The following SNX7 variants were observed in gnomAD, a reference collection of about 807,000 sequenced individuals.
The protein encoded by SNX7 is sorting nexin 7, also known as sorting nexin-7.
SNX7 carries 35 observed loss-of-function variants against 48.4 expected under a neutral mutation model. That is an observed-to-expected ratio of 0.72 (90% confidence interval 0.55 to 0.96). SNX7 has a LOEUF of 0.96. Ranked by LOEUF, SNX7 falls within the 40% of genes least tolerant of loss-of-function variation. The pLI, the probability that SNX7 is intolerant of heterozygous loss-of-function variation, is 0.00. For synonymous variants in SNX7, 190 were observed against 190.2 expected (o/e 1.00, Z 0.01); for missense variants, 553 against 548.9 (o/e 1.01, Z -0.07).
chr1:98,662,513 C>A (rs572878424), intron 1 of SNX7: 92 of 415,866 alleles, frequency 2.2e-4, no homozygotes, highest in Admixed American at 3.9e-4. Flanking sequence ...TGCCACCCAA[C>A]CCACAGCCAG....
At position 98,722,540 on chromosome 1, in the gene SNX7, G is replaced by A. The variant is rs185988675; in HGVS notation, c.1126-15697G>A. Among the ~76,000 whole-genome samples the A allele has an allele frequency of 2.0e-5, 3 of 152,068 alleles. No individual in the cohort carries two copies. In the East Asian group the frequency reaches 5.8e-4, roughly 29 times the overall value. On this transcript the variant is annotated intron_variant, in intron 7 of 8. Transcript: ENST00000306121. ...GTGGCAATCTTAATCCTTTTATTTAGATATATTATTTTCAAGAACTTTTCA... is the reference window on the plus strand; with the variant it reads ...GTGGCAATCTTAATCCTTTTATTTAAATATATTATTTTCAAGAACTTTTCA...
Position 98,695,686 on chromosome 1 carries a change from A to C in SNX7, c.808A>C (p.Ile270Leu), listed in dbSNP as rs1651418352. Residue 270 changes from isoleucine (I) to leucine (L), a missense_variant, in exon 5 of 9, where the codon ATA becomes CTA. Physicochemically the swap from Ile to Leu is conservative, Grantham distance 5. Coordinates refer to ENST00000306121, the MANE Select transcript of SNX7 (RefSeq NM_015976.5). Reference protein sequence around the residue: ...FSQKINLIDKISQRIYKEERE... With the variant: ...FSQKINLIDKLSQRIYKEERE... ...CCAGAAAATAAATTTGATAGATAAA[A>C]TATCTCAGAGAATTTATAAGGAAGA... 1.3e-6 allele frequency: 2 copies of C among 1,582,026 alleles called. No individual in the cohort carries two copies. The highest frequency in any genetic ancestry group is 1.7e-6 in the Non-Finnish European group (2 of 1,150,980).
At position 98,759,910 on chromosome 1, in the gene SNX7, G is replaced by GA. The variant is rs533291013; in HGVS notation, c.1279-140dup. ...CCCTCATTAAGAATTAAAATATGTA[G>GA]AAAATGACAAGGATTCTGACAAGCT... On this transcript the variant is annotated intron_variant, in intron 8 of 8. Transcript: ENST00000306121. The GA allele has an allele frequency of 4.4e-4, 253 of 577,642 alleles. 1 individual carries two copies. Among genetic ancestry groups the GA allele is most frequent in the African/African-American group, 4.3e-3 (233 of 53,652 alleles). The allele number at this position is 577,642 out of a possible 1,614,324, so 35.8% of individuals were successfully genotyped here.
intron 7 of SNX7, among the ~76,000 whole-genome samples, chr1:98,729,222 CAAG>C (rs1653355464): frequency 6.6e-6 from 1 of 151,942 alleles, no homozygotes; most frequent in African/African-American, 2.4e-5. Flanking sequence ...AGTCAGAAAT[CAAG>C]AAGTTCTTTG....
intron 8 of SNX7, among the ~76,000 whole-genome samples, chr1:98,752,017 A>C (rs1654611589): frequency 1.3e-5 from 2 of 152,110 alleles, no homozygotes; most frequent in Non-Finnish European, 2.9e-5. Flanking sequence ...TTTTTCACTC[A>C]CTGTAATGAT....
At chr1:98,725,679 AG>A (rs960037642) in intron 7 of SNX7, among the ~76,000 whole-genome samples, 1 of 150,920 alleles carries the variant, frequency 6.6e-6, no homozygotes, top group Non-Finnish European at 1.5e-5. Context: ...TTTCAGATTC[AG>A]GGGGAAAACA....
At chr1:98,759,833 T>A (rs1655026025) in intron 8 of SNX7, among the ~76,000 whole-genome samples, 1 of 152,054 alleles carries the variant, frequency 6.6e-6, no homozygotes, top group Non-Finnish European at 1.5e-5. Flanking sequence ...AAACTAATCC[T>A]TGCTAATCTT....
chr1:98,745,535 C>T (rs375989877), intron 8 of SNX7, among the ~76,000 whole-genome samples: 9 of 152,064 alleles, frequency 5.9e-5, no homozygotes, highest in East Asian at 5.8e-4. Context: ...GAACTATGTG[C>T]AGAATATCTC....
intron 2 of SNX7, among the ~76,000 whole-genome samples, chr1:98,688,570 C>T (rs1000449053): frequency 1.3e-5 from 2 of 151,910 alleles, no homozygotes; most frequent in Non-Finnish European, 2.9e-5. Flanking sequence ...TTTCATTTTC[C>T]CTCAAAAAAA....
chr1:98,735,874 A>G (rs1653750705), intron 7 of SNX7, among the ~76,000 whole-genome samples: 1 of 152,194 alleles, frequency 6.6e-6, no homozygotes, highest in African/African-American at 2.4e-5. Flanking sequence ...ACCTACTGTC[A>G]GTCCTCTTAA....
At chr1:98,712,129 C>G (rs1443934722) in intron 7 of SNX7, among the ~76,000 whole-genome samples, 7 of 152,296 alleles carry the variant, frequency 4.6e-5, no homozygotes, top group Non-Finnish European at 7.3e-5. Context: ...CCACTGAAGT[C>G]TTGAACCCTT....
At chr1:98,726,483 A>G (rs1570576804) in intron 7 of SNX7, among the ~76,000 whole-genome samples, 2 of 152,200 alleles carry the variant, frequency 1.3e-5, no homozygotes, top group Non-Finnish European at 2.9e-5. Context: ...CACCACATGT[A>G]GCAGAGCACT....
At chr1:98,713,908 T>C (rs1461190327) in intron 7 of SNX7, among the ~76,000 whole-genome samples, 4 of 152,274 alleles carry the variant, frequency 2.6e-5, no homozygotes, top group Non-Finnish European at 2.9e-5. Flanking sequence ...AATGAAAAAG[T>C]TTGAAGTGTT....
chr1:98,663,252 G>GTTTT lies in SNX7; in HGVS notation c.180+1341_180+1342insTTTT, dbSNP rs1491348958. 8.4e-4 allele frequency among the ~76,000 whole-genome samples: 70 copies of GTTTT among 83,156 alleles called. 24 individuals carry two copies. Among genetic ancestry groups the GTTTT allele is most frequent in the East Asian group, 5.2e-3 (13 of 2,478 alleles). 54.6% of individuals were successfully genotyped at this position (83,156 alleles called of 152,430 possible). A position where few individuals can be genotyped will look rare whatever the true frequency, so the allele number is the denominator to read the frequency against. ...ATCAGAATCATCAGGGTTTCTTTCT[G>GTTTT]GTTTTTTTTTTTTTTTTTTTTTTTT... On this transcript the variant is annotated intron_variant, in intron 1 of 8. Coordinates refer to ENST00000306121, the MANE Select transcript of SNX7 (RefSeq NM_015976.5).
chr1:98,714,798 C>T (rs1333861056), intron 7 of SNX7, among the ~76,000 whole-genome samples: 3 of 152,156 alleles, frequency 2.0e-5, no homozygotes, highest in Non-Finnish European at 4.4e-5. Context: ...GGACTGAAAG[C>T]GAGCGGACGA....
chr1:98,666,893 A>G (rs1482001159), intron 1 of SNX7, among the ~76,000 whole-genome samples: 1 of 152,140 alleles, frequency 6.6e-6, no homozygotes, highest in African/African-American at 2.4e-5. Context: ...TTACATTGAA[A>G]CCATATGTAA....
At chr1:98,682,984 T>A (rs1650583680) in intron 1 of SNX7, among the ~76,000 whole-genome samples, 1 of 152,200 alleles carries the variant, frequency 6.6e-6, no homozygotes, top group African/African-American at 2.4e-5. Context: ...TCTGTTGCAT[T>A]TTTATATTGC....
At chr1:98,742,693 A>T (rs192756116) in intron 8 of SNX7, among the ~76,000 whole-genome samples, 279 of 152,240 alleles carry the variant, frequency 1.8e-3, no homozygotes, top group African/African-American at 6.3e-3. Context: ...CAAATGTATG[A>T]TGAGGATAAA....
At chr1:98,745,250 C>A (rs1283725368) in intron 8 of SNX7, among the ~76,000 whole-genome samples, 1 of 151,500 alleles carries the variant, frequency 6.6e-6, no homozygotes, top group Non-Finnish European at 1.5e-5. Context: ...TTTATGTTGG[C>A]CATAAAAAAG....
Sources: allele counts gnomAD v4.1 joint callset (sites outside exome capture counted in the v4.1 genomes callset), GRCh38; gene constraint gnomAD v4.1.1; transcripts MANE v1.5; gene names NCBI Gene and HGNC (gene_info 2026-07-23, HGNC 2026-07-21).